The following BRAF variants were observed in gnomAD, a reference collection of about 807,000 sequenced individuals.
The protein encoded by BRAF is B-Raf proto-oncogene, serine/threonine kinase.
In BRAF, 16 loss-of-function variants were observed where a neutral mutation model predicts 104.6. That is an observed-to-expected ratio of 0.15 (90% CI 0.10 to 0.23). The LOEUF (loss-of-function observed/expected upper bound fraction) is 0.23, where lower values mean the gene tolerates loss of function less well. Among genes scored for constraint, BRAF ranks in the 10% least tolerant of loss-of-function variants. The pLI is 1.00. For synonymous variants in BRAF, 310 were observed against 341.6 expected (o/e 0.91, Z 1.02); for missense variants, 541 against 937.3 (o/e 0.58, Z 5.52).
At chr7:140,753,449 C>T (rs1586015582) in intron 15 of BRAF, 56 bp from the exon 15 acceptor site, 3 of 1,149,564 alleles carry the variant, frequency 2.6e-6, no homozygotes, top group East Asian at 4.7e-5. Context: ...TCAGAGCAAG[C>T]ATTATGAAGA....
chr7:140,789,446 G>A (rs1414571667), intron 8 of BRAF, among the ~76,000 whole-genome samples: 6 of 152,066 alleles, frequency 3.9e-5, no homozygotes, highest in Non-Finnish European at 8.8e-5. Context: ...CTTTAAAGAT[G>A]TATTTCTATC....
chr7:140,791,346 G>A (rs987098439), intron 8 of BRAF, among the ~76,000 whole-genome samples: 1 of 152,004 alleles, frequency 6.6e-6, no homozygotes, highest in Admixed American at 6.6e-5. Context: ...CATTTGAATC[G>A]TAATGGCAAC....
Position 140,720,381 on chromosome 7 carries a change from C to G in BRAF, c.*6113G>C, listed in dbSNP as rs1239091028. 9.4e-7 allele frequency: 1 copy of G among 1,062,454 alleles called. No homozygotes were observed. Among genetic ancestry groups the G allele is most frequent in the African/African-American group, 1.6e-5 (1 of 61,048 alleles). 65.8% of individuals were successfully genotyped at this position (1,062,454 alleles called of 1,614,324 possible). ...GAGAAGGGGACAGCACAGAGACATA[C>G]ACCCCTGTATGTAAACTAACATAAC... On this transcript the variant is annotated 3_prime_UTR_variant, in exon 20 of 20. Transcript: ENST00000644969.
chr7:140,765,872 C>T (rs1410474107), intron 14 of BRAF, among the ~76,000 whole-genome samples: 1 of 147,938 alleles, frequency 6.8e-6, no homozygotes, highest in Non-Finnish European at 1.5e-5. Flanking sequence ...CTAGTTCAAC[C>T]TTTGTGGAAG....
chr7:140,913,649 A>AT (rs1264993507), intron 1 of BRAF, among the ~76,000 whole-genome samples: 2 of 151,694 alleles, frequency 1.3e-5, no homozygotes, highest in African/African-American at 4.8e-5. Flanking sequence ...GGCCCAGCTA[A>AT]TTTTTTGTAT....
rs6978734 is a variant in BRAF at position 140,837,445 on chromosome 7, T to C, written c.241-2573A>G. 6.6e-3 allele frequency among the ~76,000 whole-genome samples: 1,003 copies of C among 152,342 alleles called. 8 individuals carry two copies. The highest frequency in any genetic ancestry group is 9.0e-3 in the Non-Finnish European group (614 of 68,034). ...TAAGATTTGGCCATTGTTGTCTTCC[T>C]TCACATACTTTGCGGCTCACAACTA... On this transcript the variant is annotated intron_variant, in intron 2 of 19. Coordinates refer to ENST00000644969, the MANE Select transcript of BRAF (RefSeq NM_001374258.1).
At position 140,720,149 on chromosome 7, in the gene BRAF, A is replaced by G; in HGVS notation, c.*6345T>C. ...CAAATTCAATCCCCTGATCAGTTGT[A>G]TGATCCTATCTTAGGAAAGGCAGCA... On this transcript the variant is annotated 3_prime_UTR_variant, in exon 20 of 20. Coordinates refer to ENST00000644969, the MANE Select transcript of BRAF (RefSeq NM_001374258.1). 1 of 1,061,716 alleles carries G rather than the reference A, an allele frequency of 9.4e-7. No homozygotes were observed. The highest frequency in any genetic ancestry group is 1.1e-6 in the Non-Finnish European group (1 of 877,026). The allele number at this position is 1,061,716 out of a possible 1,614,324, so 65.8% of individuals were successfully genotyped here.
chr7:140,922,928 G>A (rs191023345), intron 1 of BRAF, among the ~76,000 whole-genome samples: 1 of 152,132 alleles, frequency 6.6e-6, no homozygotes, highest in Non-Finnish European at 1.5e-5. Flanking sequence ...TTGAAGTAGA[G>A]AAGAGCTTTC....
intron 1 of BRAF, among the ~76,000 whole-genome samples, chr7:140,907,619 G>A (rs1816470856): frequency 6.6e-6 from 1 of 152,002 alleles, no homozygotes; most frequent in African/African-American, 2.4e-5. Flanking sequence ...GGAGTGCAGT[G>A]TGGCACAATC....
chr7:140,782,614 C>T (rs1800990652), intron 11 of BRAF, among the ~76,000 whole-genome samples: 1 of 152,000 alleles, frequency 6.6e-6, no homozygotes, highest in Non-Finnish European at 1.5e-5. Context: ...GCAGAATGTG[C>T]AGGTTTGTTA....
intron 2 of BRAF, 23 bp downstream of exon 2, chr7:140,850,088 A>G (rs760397323): frequency 1.9e-5 from 29 of 1,499,618 alleles, no homozygotes; most frequent in Non-Finnish European, 2.6e-5. Context: ...CAAAATTACT[A>G]GATATGATAC....
At chr7:140,861,243 A>T (rs1810384487) in intron 1 of BRAF, among the ~76,000 whole-genome samples, 1 of 152,224 alleles carries the variant, frequency 6.6e-6, no homozygotes, top group African/African-American at 2.4e-5. Context: ...GAAAGTTCAC[A>T]GTCAGGTTCC....
chr7:140,727,304 C>T (rs537382153), intron 19 of BRAF, among the ~76,000 whole-genome samples: 3 of 152,044 alleles, frequency 2.0e-5, no homozygotes, highest in Admixed American at 6.5e-5. Flanking sequence ...CTGCCTCAGC[C>T]TCCCAAGTAG....
chr7:140,795,396 C>T (rs1286267195), intron 7 of BRAF, among the ~76,000 whole-genome samples: 1 of 152,154 alleles, frequency 6.6e-6, no homozygotes, highest in African/African-American at 2.4e-5. Flanking sequence ...CCATCAGGAC[C>T]AATGAATGGC....
chr7:140,779,467 T>C (rs1800645311), intron 12 of BRAF, among the ~76,000 whole-genome samples: 1 of 152,142 alleles, frequency 6.6e-6, no homozygotes, highest in South Asian at 2.1e-4. Context: ...ACCAGAAGTG[T>C]CTCAAATTTC....
chr7:140,872,542 A>G (rs746492424), intron 1 of BRAF, among the ~76,000 whole-genome samples: 1 of 152,136 alleles, frequency 6.6e-6, no homozygotes, highest in Non-Finnish European at 1.5e-5. Context: ...CTTCAGAACC[A>G]AAGTTCCTTT....
chr7:140,785,627 A>G (rs888896854), intron 10 of BRAF: 1 of 398,204 alleles, frequency 2.5e-6, no homozygotes, highest in Non-Finnish European at 4.4e-6. Context: ...AGGCACAAAC[A>G]GCATCTGTAG....
At chr7:140,854,261 A>C (rs1394181828) in intron 1 of BRAF, among the ~76,000 whole-genome samples, 5 of 152,240 alleles carry the variant, frequency 3.3e-5, no homozygotes, top group Non-Finnish European at 7.3e-5. Context: ...TCATAATTTG[A>C]TAACATAAAG....
chr7:140,727,350 ATTTT>A (rs1795661334), intron 19 of BRAF, among the ~76,000 whole-genome samples: 1 of 151,540 alleles, frequency 6.6e-6, no homozygotes, highest in South Asian at 2.1e-4. Flanking sequence ...GGCCTGGCTA[ATTTT>A]TGTATTTTTA....
Sources: gnomAD v4.1 joint callset for allele counts (sites outside exome capture counted in the v4.1 genomes callset) on GRCh38, gnomAD v4.1.1 for gene constraint, MANE v1.5 for transcripts, NCBI Gene and HGNC (gene_info 2026-07-23, HGNC 2026-07-21) for gene names.